Variants in USH2A observed in about 807,000 individuals in gnomAD.
USH2A encodes the protein Usher syndrome 2A (autosomal recessive, mild).
Under a neutral mutation model 538.9 loss-of-function variants are expected in USH2A, and 443 were observed. That is an observed-to-expected ratio of 0.82 (90% CI 0.76 to 0.89). The LOEUF (loss-of-function observed/expected upper bound fraction) is 0.89, where lower values mean the gene tolerates loss of function less well. Among genes scored for constraint, USH2A ranks in the 40% least tolerant of loss-of-function variants. The pLI is 0.00. For synonymous variants in USH2A, 2,413 were observed against 2,273.5 expected (o/e 1.06, Z -1.75); for missense variants, 6,633 against 6,324.8 (o/e 1.05, Z -1.65).
chr1:215,625,786 G>A lies in USH2A; in HGVS notation c.15604C>T (p.Leu5202=). Residue 5202 remains leucine (L), a synonymous_variant, in exon 72 of 72, where the codon CTG becomes TTG. Transcript: ENST00000307340. The part of the protein sequence containing the change: ...KERTTFTDTH[L] ...GTCTTCTGGGTTTCCATCCTTTACA[G>A]GTGGGTGTCTGTGAATGTGGTGCGT... 6.2e-7 allele frequency: 1 copy of A among 1,614,076 alleles called. No individual in the cohort carries two copies. Among genetic ancestry groups the A allele is most frequent in the Non-Finnish European group, 8.5e-7 (1 of 1,179,970 alleles).
chr1:215,795,573 T>G (rs1385861159), intron 50 of USH2A, among the ~76,000 whole-genome samples: 1 of 152,162 alleles, frequency 6.6e-6, no homozygotes, highest in Non-Finnish European at 1.5e-5. Context: ...AAGCTACAGA[T>G]GAACAAACAC....
intron 4 of USH2A, among the ~76,000 whole-genome samples, chr1:216,350,761 G>A (rs2038266384): frequency 6.6e-6 from 1 of 152,176 alleles, no homozygotes; most frequent in Admixed American, 6.5e-5. Context: ...CTTGCTGAGG[G>A]TGAAAGCTGC....
rs577805528 is a variant in USH2A at position 215,954,463 on chromosome 1, G to A, written c.7120+10854C>T. On this transcript the variant is annotated intron_variant, in intron 37 of 71. Coordinates refer to ENST00000307340, the MANE Select transcript of USH2A (RefSeq NM_206933.4). ...ATCATTCTCAGCAAACTATCGCAAGGACAAAAAACCAAACACCGTATGTTC... is the reference window on the plus strand; with the variant it reads ...ATCATTCTCAGCAAACTATCGCAAGAACAAAAAACCAAACACCGTATGTTC... Among the ~76,000 whole-genome samples the A allele has an allele frequency of 8.1e-3, 1,216 of 149,876 alleles. 18 individuals are homozygous for A. The highest frequency in any genetic ancestry group is 0.028 in the African/African-American group (1,139 of 40,764).
intron 6 of USH2A, among the ~76,000 whole-genome samples, chr1:216,325,070 A>C (rs2037701769): frequency 6.6e-6 from 1 of 152,162 alleles, no homozygotes; most frequent in African/African-American, 2.4e-5. Context: ...CAGAGATTGA[A>C]GTTGTGGTGC....
rs752269351 is a variant in USH2A, at chr1:215,782,069, C to T, written c.10713G>A (p.Thr3571=). ...TGCTACTGGTGGCACAGCCAGCAACCGTGCAAGCTTTCAGCTGATATGAAT... is the reference window on the plus strand; with the variant it reads ...TGCTACTGGTGGCACAGCCAGCAACTGTGCAAGCTTTCAGCTGATATGAAT... The part of the protein sequence containing the change: ...QEYSYQLKAC[T]VAGCATSSKV... Residue 3571 remains threonine (T), a synonymous_variant, in exon 54 of 72, where the codon ACG becomes ACA. Transcript: ENST00000307340. 4.3e-6 allele frequency: 7 copies of T among 1,613,878 alleles called. No individual in the cohort carries two copies. Among genetic ancestry groups the T allele is most frequent in the African/African-American group, 4.0e-5 (3 of 74,914 alleles).
chr1:215,929,154 T>TAA (rs11422970), intron 38 of USH2A, among the ~76,000 whole-genome samples: 213 of 151,648 alleles, frequency 1.4e-3, no homozygotes, highest in African/African-American at 4.7e-3. Context: ...ATTAACAATG[T>TAA]AAAAAAAAGC....
At chr1:215,935,202 A>C (rs1666463302) in intron 37 of USH2A, among the ~76,000 whole-genome samples, 1 of 152,048 alleles carries the variant, frequency 6.6e-6, no homozygotes, top group South Asian at 2.1e-4. Context: ...ATGTGCAGAC[A>C]GGAAGAAATA....
intron 11 of USH2A, among the ~76,000 whole-genome samples, chr1:216,272,645 T>A (rs2036596511): frequency 2.0e-5 from 3 of 152,118 alleles, no homozygotes; most frequent in Non-Finnish European, 4.4e-5. Context: ...TTTTAGTTCC[T>A]TTCTTCCCAG....
intron 21 of USH2A, among the ~76,000 whole-genome samples, chr1:216,145,470 C>A (rs1295175786): frequency 6.6e-6 from 1 of 152,122 alleles, no homozygotes; most frequent in African/African-American, 2.4e-5. Context: ...AGGCTTAATT[C>A]AGTATTTTAA....
intron 9 of USH2A, among the ~76,000 whole-genome samples, chr1:216,301,943 A>T (rs1013042021): frequency 3.3e-5 from 5 of 152,272 alleles, no homozygotes; most frequent in African/African-American, 1.2e-4. Context: ...CTCTGGCTGG[A>T]GCAATTCCAT....
At chr1:216,065,600 A>G (rs1020314463) in intron 30 of USH2A, among the ~76,000 whole-genome samples, 3 of 152,212 alleles carry the variant, frequency 2.0e-5, no homozygotes, top group African/African-American at 4.8e-5. Flanking sequence ...CATTCAATAG[A>G]AAAATTAGCA....
chr1:215,729,323 A>C (rs1188419529), intron 60 of USH2A, among the ~76,000 whole-genome samples: 1 of 152,192 alleles, frequency 6.6e-6, no homozygotes, highest in African/African-American at 2.4e-5. Flanking sequence ...TTCACTTCTT[A>C]GATGCCACTT....
At chr1:216,297,052 G>A (rs1302677122) in intron 9 of USH2A, among the ~76,000 whole-genome samples, 2 of 151,898 alleles carry the variant, frequency 1.3e-5, no homozygotes, top group Non-Finnish European at 2.9e-5. Flanking sequence ...AAAATGGGTT[G>A]TTTCATTGCA....
At chr1:215,919,315 T>C (rs1666038174) in intron 38 of USH2A, among the ~76,000 whole-genome samples, 2 of 152,120 alleles carry the variant, frequency 1.3e-5, no homozygotes, top group South Asian at 4.1e-4. Flanking sequence ...CTACTATGTG[T>C]ACTGCATCAC....
chr1:216,349,158 G>C (rs1197242627), intron 4 of USH2A, among the ~76,000 whole-genome samples: 1 of 152,028 alleles, frequency 6.6e-6, no homozygotes, highest in Non-Finnish European at 1.5e-5. Context: ...TATTCTGAAT[G>C]GACCTTGACA....
intron 35 of USH2A, among the ~76,000 whole-genome samples, chr1:215,974,560 G>T (rs1667575735): frequency 6.6e-6 from 1 of 152,010 alleles, no homozygotes; most frequent in African/African-American, 2.4e-5. Flanking sequence ...CCAATGTTTA[G>T]CTCCCACTTA....
chr1:216,165,206 A>G (rs1477780058), intron 21 of USH2A, among the ~76,000 whole-genome samples: 1 of 152,162 alleles, frequency 6.6e-6, no homozygotes, highest in Non-Finnish European at 1.5e-5. Context: ...TATGTTTATT[A>G]TGACTGTCAT....
intron 47 of USH2A, among the ~76,000 whole-genome samples, chr1:215,820,871 T>C (rs1662992884): frequency 6.6e-6 from 1 of 151,856 alleles, no homozygotes; most frequent in African/African-American, 2.4e-5. Context: ...TTATTTTACT[T>C]AACATAATGA....
chr1:215,810,176 T>C (rs1662626319), intron 49 of USH2A, among the ~76,000 whole-genome samples: 1 of 152,132 alleles, frequency 6.6e-6, no homozygotes, highest in Non-Finnish European at 1.5e-5. Context: ...TGGTAGATAT[T>C]AAAATGCTTT....
Sources: allele counts gnomAD v4.1 joint callset (sites outside exome capture counted in the v4.1 genomes callset), GRCh38; gene constraint gnomAD v4.1.1; transcripts MANE v1.5; gene names NCBI Gene and HGNC (gene_info 2026-07-23, HGNC 2026-07-21).